The following PILRA variants were observed in gnomAD, a reference collection of about 807,000 sequenced individuals.
The protein encoded by PILRA is paired immunoglobulin-like type 2 receptor alpha.
Under a neutral mutation model 33.1 loss-of-function variants are expected in PILRA, and 37 were observed. The observed-to-expected ratio is 1.12, with a 90% confidence interval of 0.86 to 1.47. The LOEUF (loss-of-function observed/expected upper bound fraction) is 1.47. PILRA is among the 40% of genes most tolerant of loss of function. PILRA has a pLI of 0.00. For missense variants in PILRA, 312 were observed against 376.2 expected (o/e 0.83, Z 1.41); for synonymous variants, 146 against 149.9 (o/e 0.97, Z 0.19).
At chr7:100,390,885 G>C (rs907081444) in intron 3 of PILRA, among the ~76,000 whole-genome samples, 1 of 152,020 alleles carries the variant, frequency 6.6e-6, no homozygotes, top group Non-Finnish European at 1.5e-5. Context: ...AAGCAGTAAA[G>C]GGTGACCTCA....
intron 2 of PILRA, among the ~76,000 whole-genome samples, chr7:100,381,996 T>TCCCCACCCCCAC (rs1554453953): frequency 4.7e-5 from 6 of 128,586 alleles, no homozygotes; most frequent in African/African-American, 1.7e-4. Context: ...CATGCCTCAG[T>TCCCCACCCCCAC]CCCCACCCCC....
chr7:100,388,668 C>T (rs1791310040), intron 2 of PILRA, among the ~76,000 whole-genome samples: 1 of 142,382 alleles, frequency 7.0e-6, no homozygotes, highest in East Asian at 2.1e-4. Flanking sequence ...ATCACTTGAA[C>T]TTGGGAGGCG....
In PILRA at chr7:100,374,042, A is replaced by C. The variant is rs1394915308; in HGVS notation, c.65-2A>C. The C allele has an allele frequency of 6.2e-7, 1 of 1,613,054 alleles. No individual in the cohort carries two copies. Among genetic ancestry groups the C allele is most frequent in the Non-Finnish European group, 8.5e-7 (1 of 1,179,354 alleles). ...CCCCTACTCACTCCCTCCCTCCTCTAGGTGGCTCCACAGGATCTGGTCCAA... is the reference window on the plus strand; with the variant it reads ...CCCCTACTCACTCCCTCCCTCCTCTCGGTGGCTCCACAGGATCTGGTCCAA... On this transcript the variant is annotated splice_acceptor_variant, in intron 1 of 6. Transcript: ENST00000198536. LOFTEE classifies it high-confidence loss of function.
rs1480387138 is a variant in PILRA at position 100,399,865 on chromosome 7, G to A, written c.870G>A (p.Lys290=). ...CACCTCCCAGCCACCGTCCCCTCAA[G>A]AGCCCCCAGAACGAGACCCTGTACT... ...PRAPPSHRPL[K]SPQNETLYSV... The change falls in exon 7 of 7, where the codon AAG becomes AAA. Residue 290 remains lysine (K), a synonymous_variant. Transcript: ENST00000198536. 2 of 1,613,346 alleles carry A rather than the reference G, an allele frequency of 1.2e-6. No homozygotes were observed. Among genetic ancestry groups the A allele is most frequent in the East Asian group, 4.5e-5 (2 of 44,878 alleles).
intron 2 of PILRA, among the ~76,000 whole-genome samples, chr7:100,382,052 C>T (rs1021290253): frequency 6.6e-6 from 1 of 150,402 alleles, no homozygotes; most frequent in African/African-American, 2.4e-5. Context: ...CAAGCCTCCA[C>T]GAGGAGCGCC....
Position 100,377,231 on chromosome 7 carries a change from C to CTTTTTTTT in PILRA, c.454+2818_454+2825dup, listed in dbSNP as rs761225046. 3.3e-4 allele frequency among the ~76,000 whole-genome samples: 33 copies of CTTTTTTTT among 100,942 alleles called. 1 individual carries two copies. The highest frequency in any genetic ancestry group is 5.6e-4 in the East Asian group (2 of 3,574). The allele number at this position is 100,942 out of a possible 152,430, so 66.2% of individuals were successfully genotyped here. A position where few individuals can be genotyped will look rare whatever the true frequency, so the allele number is the denominator to read the frequency against. On this transcript the variant is annotated intron_variant, in intron 2 of 6. Coordinates refer to ENST00000198536, the MANE Select transcript of PILRA (RefSeq NM_013439.3). The stretch of plus-strand genomic sequence containing the variant: ...GTTCTTCTTTGTCACTTTTCTATTT[C>CTTTTTTTT]TTTTTTTTTTTTTTTTTTTTTTTTT...
At chr7:100,396,663 G>GA (rs1336314722) in intron 3 of PILRA, among the ~76,000 whole-genome samples, 1 of 151,782 alleles carries the variant, frequency 6.6e-6, no homozygotes, top group African/African-American at 2.4e-5. Context: ...AAAAAATAAA[G>GA]AAAAAAAGAA....
At chr7:100,381,514 G>C (rs1365314208) in intron 2 of PILRA, among the ~76,000 whole-genome samples, 1 of 151,670 alleles carries the variant, frequency 6.6e-6, no homozygotes, top group Non-Finnish European at 1.5e-5. Flanking sequence ...ATGCACCCAA[G>C]GATGAAATTT....
intron 6 of PILRA, 81 bp from the exon 7 acceptor site, chr7:100,399,704 A>G (rs551477445): frequency 7.4e-6 from 12 of 1,610,896 alleles, no homozygotes; most frequent in Non-Finnish European, 1.0e-5. Flanking sequence ...TGGGCAGGAG[A>G]GTCAAACTGT....
At chr7:100,384,455 T>C (rs1355857523) in intron 2 of PILRA, among the ~76,000 whole-genome samples, 1 of 134,788 alleles carries the variant, frequency 7.4e-6, no homozygotes, top group Non-Finnish European at 1.6e-5. Context: ...TGAGACGGAG[T>C]CTCACTCTGT....
chr7:100,397,919 G>A lies in PILRA; in HGVS notation c.707+7G>A, dbSNP rs1791533348. 1 of 1,613,864 alleles carries A rather than the reference G, an allele frequency of 6.2e-7. No homozygotes were observed. The highest frequency in any genetic ancestry group is 1.1e-5 in the South Asian group (1 of 91,066). On this transcript the variant is annotated splice_region_variant and intron_variant, in intron 4 of 6. Coordinates refer to ENST00000198536, the MANE Select transcript of PILRA (RefSeq NM_013439.3). The stretch of plus-strand genomic sequence containing the variant: ...AAGCCACAACCCCAGCCAGGTGAGT[G>A]CTGGGCCTCCCCAGGGTGGGTTGGG...
intron 2 of PILRA, chr7:100,374,818 G>A (rs1367455960): frequency 1.9e-5 from 6 of 314,334 alleles, no homozygotes; most frequent in Non-Finnish European, 3.1e-5. Context: ...TCTTTGTCAT[G>A]TGTCTCTGTG....
intron 2 of PILRA, among the ~76,000 whole-genome samples, chr7:100,385,940 T>A (rs1468336483): frequency 6.6e-6 from 1 of 151,896 alleles, no homozygotes; most frequent in Non-Finnish European, 1.5e-5. Flanking sequence ...ATGTCTTTTT[T>A]TTTTTTTGAG....
At chr7:100,391,625 T>C (rs1431316584) in intron 3 of PILRA, among the ~76,000 whole-genome samples, 2 of 152,200 alleles carry the variant, frequency 1.3e-5, no homozygotes, top group African/African-American at 4.8e-5. Flanking sequence ...AGGTCGAGGC[T>C]GCAGTGAGCC....
At chr7:100,383,996 A>G (rs1003607365) in intron 2 of PILRA, among the ~76,000 whole-genome samples, 1 of 152,130 alleles carries the variant, frequency 6.6e-6, no homozygotes, top group Non-Finnish European at 1.5e-5. Flanking sequence ...ATTATAGGTG[A>G]GCGAAGTCAG....
Position 100,399,815 on chromosome 7 carries a change from C to G in PILRA, c.820C>G (p.Leu274Val), listed in dbSNP as rs1791620411. The change falls in exon 7 of 7, where the codon CTC (leucine) becomes GTC (valine). Residue 274 changes from leucine (L) to valine (V), a missense_variant. Leu to Val is a conservative substitution (Grantham distance 32). Transcript: ENST00000198536. Reference sequence around the variant, plus strand: ...CGGCATCGTCTATGCTTCCCTTGCCCTCTCCAGCTCCACCTCACCCAGAGC... The same window carrying G: ...CGGCATCGTCTATGCTTCCCTTGCCGTCTCCAGCTCCACCTCACCCAGAGC... ...DDGIVYASLA[L>V]SSSTSPRAPP... 3 of 1,612,750 alleles carry G rather than the reference C, an allele frequency of 1.9e-6. No homozygotes were observed.
At chr7:100,399,511 C>A in intron 5 of PILRA, 70 bp from the exon 6 acceptor site, 1 of 1,559,170 alleles carries the variant, frequency 6.4e-7, no homozygotes, top group Non-Finnish European at 8.8e-7. Context: ...ACTCCTAGAG[C>A]CCCCTGCCCA....
chr7:100,385,924 C>G (rs376683498), intron 2 of PILRA, among the ~76,000 whole-genome samples: 1 of 151,062 alleles, frequency 6.6e-6, no homozygotes, highest in Non-Finnish European at 1.5e-5. Context: ...CCACCACACC[C>G]GGCCTATGTC....
At chr7:100,395,819 C>T (rs1791482655) in intron 3 of PILRA, among the ~76,000 whole-genome samples, 1 of 152,078 alleles carries the variant, frequency 6.6e-6, no homozygotes, top group Non-Finnish European at 1.5e-5. Context: ...AAAGCATGGC[C>T]TTTCCTCAAA....
Sources: allele counts gnomAD v4.1 joint callset (sites outside exome capture counted in the v4.1 genomes callset), GRCh38; gene constraint gnomAD v4.1.1; transcripts MANE v1.5; gene names NCBI Gene and HGNC (gene_info 2026-07-23, HGNC 2026-07-21).